LHFPL3: variants seen among roughly 807,000 people sequenced by gnomAD.
LHFPL3 encodes LHFPL tetraspan subfamily member 3.
Under a neutral mutation model 19.3 loss-of-function variants are expected in LHFPL3, and 5 were observed. That is an observed-to-expected ratio of 0.26 (90% CI 0.14 to 0.54). The LOEUF is 0.54. Among genes scored for constraint, LHFPL3 ranks in the 20% least tolerant of loss-of-function variants. The pLI is 0.94. For missense variants in LHFPL3, 249 were observed against 307.4 expected (o/e 0.81, Z 1.42); for synonymous variants, 133 against 126.2 (o/e 1.05, Z -0.36).
At chr7:104,800,846 G>T (rs1424029293) in intron 2 of LHFPL3, among the ~76,000 whole-genome samples, 2 of 152,140 alleles carry the variant, frequency 1.3e-5, no homozygotes, top group Non-Finnish European at 2.9e-5. Flanking sequence ...AGAAGAAACA[G>T]GAGGCAAAGT....
intron 1 of LHFPL3, among the ~76,000 whole-genome samples, chr7:104,386,666 A>C (rs957476907): frequency 6.6e-6 from 1 of 152,258 alleles, no homozygotes; most frequent in Non-Finnish European, 1.5e-5. Flanking sequence ...GGAACATTGC[A>C]AATGTGCCCT....
chr7:104,646,715 A>C (rs1791942153), intron 1 of LHFPL3, among the ~76,000 whole-genome samples: 1 of 152,232 alleles, frequency 6.6e-6, no homozygotes, highest in Non-Finnish European at 1.5e-5. Flanking sequence ...TATATAACCT[A>C]AATCATTAGT....
At chr7:104,770,480 T>A (rs895133344) in intron 2 of LHFPL3, among the ~76,000 whole-genome samples, 1 of 152,236 alleles carries the variant, frequency 6.6e-6, no homozygotes, top group African/African-American at 2.4e-5. Context: ...CAGAGCTTTC[T>A]CTGAGAATAT....
rs143168724 is a variant in LHFPL3 at position 104,421,246 on chromosome 7, T to C, written c.445+92022T>C. ...AAGTTTTAAGTATAACTATAGTCTG[T>C]AAACAGTAAAAAAGGATAGCTCTGC... On this transcript the variant is annotated intron_variant, in intron 1 of 2. Coordinates refer to ENST00000424859, the MANE Select transcript of LHFPL3 (RefSeq NM_199000.3). Among the ~76,000 whole-genome samples the C allele has an allele frequency of 5.3e-5, 8 of 152,238 alleles. No individual in the cohort carries two copies. The East Asian group carries it at 1.5e-3, about 29-fold the overall frequency.
At chr7:104,428,974 A>G (rs1764582788) in intron 1 of LHFPL3, among the ~76,000 whole-genome samples, 1 of 152,204 alleles carries the variant, frequency 6.6e-6, no homozygotes, top group African/African-American at 2.4e-5. Flanking sequence ...CAAGCAAACC[A>G]GCTAAATCCA....
chr7:104,882,736 A>G (rs1792080876), intron 2 of LHFPL3, among the ~76,000 whole-genome samples: 1 of 152,196 alleles, frequency 6.6e-6, no homozygotes, highest in African/African-American at 2.4e-5. Context: ...CTCTATAGGT[A>G]TACTAAAATC....
chr7:104,774,808 T>TA (rs1226224817), intron 2 of LHFPL3, among the ~76,000 whole-genome samples: 1 of 152,186 alleles, frequency 6.6e-6, no homozygotes, highest in Non-Finnish European at 1.5e-5. Flanking sequence ...CTGTTTGTAG[T>TA]ATAAGGAGCA....
intron 1 of LHFPL3, among the ~76,000 whole-genome samples, chr7:104,557,188 G>A (rs893629946): frequency 6.6e-6 from 1 of 152,004 alleles, no homozygotes. Flanking sequence ...ACATTTTCAG[G>A]TATCTTTTCA....
chr7:104,864,613 G>A (rs898228425), intron 2 of LHFPL3, among the ~76,000 whole-genome samples: 1 of 152,248 alleles, frequency 6.6e-6, no homozygotes, highest in South Asian at 2.1e-4. Flanking sequence ...ACTGGGTAGA[G>A]CCCACTGCAG....
At chr7:104,528,822 C>T (rs192962943) in intron 1 of LHFPL3, among the ~76,000 whole-genome samples, 2 of 152,220 alleles carry the variant, frequency 1.3e-5, no homozygotes, top group East Asian at 3.9e-4. Context: ...GCTTAAACAC[C>T]TTAGCTCGAC....
chr7:104,532,574 T>C (rs78483109), intron 1 of LHFPL3, among the ~76,000 whole-genome samples: 3,315 of 152,182 alleles, frequency 0.022, 102 homozygotes, highest in African/African-American at 0.075. Flanking sequence ...ACTTTTATGT[T>C]GGGGAAATCC....
intron 2 of LHFPL3, among the ~76,000 whole-genome samples, chr7:104,756,054 CA>C (rs1794279705): frequency 6.6e-6 from 1 of 151,774 alleles, no homozygotes; most frequent in Non-Finnish European, 1.5e-5. Flanking sequence ...GCTATGGGGC[CA>C]GGGGTTGGGA....
chr7:104,826,184 C>G (rs1018193991), intron 2 of LHFPL3, among the ~76,000 whole-genome samples: 3 of 151,948 alleles, frequency 2.0e-5, no homozygotes, highest in Non-Finnish European at 4.4e-5. Context: ...CCAGTGTTCC[C>G]TGGTCTGTCC....
intron 2 of LHFPL3, among the ~76,000 whole-genome samples, chr7:104,805,557 C>T (rs1412958484): frequency 2.0e-5 from 3 of 152,170 alleles, no homozygotes; most frequent in Admixed American, 2.0e-4. Context: ...CTTCCTATTC[C>T]CCTGCTTCGT....
chr7:104,599,699 T>C (rs769830047), intron 1 of LHFPL3, among the ~76,000 whole-genome samples: 1 of 152,146 alleles, frequency 6.6e-6, no homozygotes, highest in South Asian at 2.1e-4. Flanking sequence ...GTGATACAGA[T>C]ATATGCCAGG....
At chr7:104,331,742 G>A (rs1369443782) in intron 1 of LHFPL3, among the ~76,000 whole-genome samples, 4 of 152,092 alleles carry the variant, frequency 2.6e-5, no homozygotes, top group African/African-American at 9.7e-5. Flanking sequence ...TTGAGGTCAG[G>A]AGTTCAAAAC....
chr7:104,446,924 T>C (rs975288098), intron 1 of LHFPL3, among the ~76,000 whole-genome samples: 2 of 152,180 alleles, frequency 1.3e-5, no homozygotes, highest in African/African-American at 4.8e-5. Flanking sequence ...GTTTTTTAGA[T>C]TTTATCACCT....
chr7:104,605,283 T>C (rs979565456), intron 1 of LHFPL3, among the ~76,000 whole-genome samples: 4 of 152,108 alleles, frequency 2.6e-5, no homozygotes, highest in Non-Finnish European at 5.9e-5. Flanking sequence ...TAATCTGACT[T>C]TCCAAAGAAT....
intron 1 of LHFPL3, among the ~76,000 whole-genome samples, chr7:104,404,011 C>T (rs571378335): frequency 3.3e-5 from 5 of 152,274 alleles, no homozygotes; most frequent in Non-Finnish European, 5.9e-5. Flanking sequence ...AATTTGTTTA[C>T]GTACTGTCTG....
Sources: allele counts gnomAD v4.1 joint callset (sites outside exome capture counted in the v4.1 genomes callset), GRCh38; gene constraint gnomAD v4.1.1; transcripts MANE v1.5; gene names NCBI Gene and HGNC (gene_info 2026-07-23, HGNC 2026-07-21).